SHC4: variants seen among roughly 807,000 people sequenced by gnomAD.
SHC4 encodes the protein SHC-transforming protein 4.
In SHC4, 41 loss-of-function variants were observed where a neutral mutation model predicts 69.4. That is an observed-to-expected ratio of 0.59 (90% confidence interval 0.46 to 0.77). The LOEUF is 0.77. Among genes scored for constraint, SHC4 ranks in the 30% least tolerant of loss-of-function variants. The pLI is 0.00. For missense variants in SHC4, 777 were observed against 783.8 expected (o/e 0.99, Z 0.10); for synonymous variants, 318 against 299.3 (o/e 1.06, Z -0.64).
At chr15:48,878,560 TGAA>T in intron 4 of SHC4, 1 of 1,614,042 alleles carries the variant, frequency 6.2e-7, no homozygotes, top group Non-Finnish European at 8.5e-7. Context: ...CAGCCGCTCT[TGAA>T]GAAGCCGACA....
chr15:48,956,515 C>T (rs1901456328), intron 1 of SHC4, among the ~76,000 whole-genome samples: 2 of 152,146 alleles, frequency 1.3e-5, no homozygotes, highest in Non-Finnish European at 2.9e-5. Context: ...ACCTAGCTGG[C>T]CAGACACATG....
intron 6 of SHC4, among the ~76,000 whole-genome samples, chr15:48,858,270 G>A (rs1194847652): frequency 6.6e-6 from 1 of 152,144 alleles, no homozygotes; most frequent in Non-Finnish European, 1.5e-5. Flanking sequence ...CAAAAGTGGG[G>A]AATGAGCTGT....
At chr15:48,952,962 C>A (rs1316840193) in intron 1 of SHC4, among the ~76,000 whole-genome samples, 1 of 152,134 alleles carries the variant, frequency 6.6e-6, no homozygotes, top group African/African-American at 2.4e-5. Flanking sequence ...AAGACACATG[C>A]ACATGTATGT....
chr15:48,870,246 C>T (rs1169002843), intron 5 of SHC4, among the ~76,000 whole-genome samples: 2 of 152,182 alleles, frequency 1.3e-5, no homozygotes, highest in Admixed American at 1.3e-4. Context: ...TTGACCCTCC[C>T]TGCCAGCCAC....
At chr15:48,877,545 A>C (rs982281385) in intron 4 of SHC4, 1 of 985,220 alleles carries the variant, frequency 1.0e-6, no homozygotes, top group Non-Finnish European at 1.2e-6. Context: ...AATGCAAATA[A>C]AAAGAATTCA....
At chr15:48,898,784 C>G (rs772515972) in intron 2 of SHC4, among the ~76,000 whole-genome samples, 3 of 152,132 alleles carry the variant, frequency 2.0e-5, no homozygotes, top group African/African-American at 7.2e-5. Flanking sequence ...TCTCAAAATT[C>G]AAACACCTAC....
intron 3 of SHC4, among the ~76,000 whole-genome samples, chr15:48,884,575 A>G (rs1900000614): frequency 6.6e-6 from 1 of 152,180 alleles, no homozygotes; most frequent in South Asian, 2.1e-4. Context: ...AAGTAGTGAA[A>G]TTTAGGCCCT....
chr15:48,961,401 C>G (rs1595771675), intron 1 of SHC4, among the ~76,000 whole-genome samples: 1 of 152,150 alleles, frequency 6.6e-6, no homozygotes, highest in Non-Finnish European at 1.5e-5. Flanking sequence ...GTACTACAAG[C>G]CACCCCCTCC....
intron 1 of SHC4, among the ~76,000 whole-genome samples, chr15:48,940,533 CT>C (rs1331095231): frequency 1.3e-5 from 2 of 152,062 alleles, no homozygotes; most frequent in African/African-American, 4.8e-5. Context: ...ATCAAACTTT[CT>C]TCTACTCCAT....
chr15:48,961,070 G>A (rs1034428099), intron 1 of SHC4, among the ~76,000 whole-genome samples: 2 of 152,122 alleles, frequency 1.3e-5, no homozygotes, highest in Admixed American at 6.5e-5. Flanking sequence ...GTCACAGAAT[G>A]CCTTACCATT....
At chr15:48,888,543 C>T (rs1352164029) in intron 3 of SHC4, among the ~76,000 whole-genome samples, 1 of 151,998 alleles carries the variant, frequency 6.6e-6, no homozygotes, top group Non-Finnish European at 1.5e-5. Context: ...TGGATGATGG[C>T]GATGGCTGCA....
intron 9 of SHC4, among the ~76,000 whole-genome samples, chr15:48,845,313 T>C (rs757759641): frequency 6.6e-6 from 1 of 152,186 alleles, no homozygotes; most frequent in African/African-American, 2.4e-5. Flanking sequence ...TACCACCTGC[T>C]TCTCCTTTAC....
chr15:48,851,690 C>G (rs527596390), intron 8 of SHC4, among the ~76,000 whole-genome samples: 8 of 152,322 alleles, frequency 5.3e-5, no homozygotes, highest in Middle Eastern at 3.4e-3. Context: ...CCTTGAAAAT[C>G]TTATCCAAAG....
At chr15:48,847,062 A>G (rs1899107989) in intron 9 of SHC4, among the ~76,000 whole-genome samples, 1 of 151,340 alleles carries the variant, frequency 6.6e-6, no homozygotes, top group African/African-American at 2.4e-5. Flanking sequence ...TAAGTTGGTA[A>G]TGTTGCCTTA....
chr15:48,868,270 C>T (rs560078308), intron 5 of SHC4, among the ~76,000 whole-genome samples: 2 of 152,112 alleles, frequency 1.3e-5, no homozygotes, highest in Admixed American at 1.3e-4. Context: ...ATCATGATCT[C>T]CTGTTGTCCA....
intron 4 of SHC4, chr15:48,876,592 G>A: frequency 1.4e-6 from 1 of 699,118 alleles, no homozygotes; most frequent in African/African-American, 1.7e-5. Flanking sequence ...GCTAAGGAGA[G>A]AGGAGAGCCA....
At chr15:48,887,413 G>A (rs1900054192) in intron 3 of SHC4, among the ~76,000 whole-genome samples, 1 of 152,030 alleles carries the variant, frequency 6.6e-6, no homozygotes, top group African/African-American at 2.4e-5. Context: ...TGTAAAATGG[G>A]GATAAATAAT....
intron 6 of SHC4, among the ~76,000 whole-genome samples, chr15:48,865,926 A>G (rs1899550892): frequency 6.6e-6 from 1 of 152,202 alleles, no homozygotes; most frequent in African/African-American, 2.4e-5. Context: ...AAGCAAAGGG[A>G]GAGCTTTGCA....
rs1026124273 is a variant in SHC4, at chr15:48,931,688, A to T, written c.586-6739T>A. On this transcript the variant is annotated intron_variant, in intron 1 of 11. Coordinates refer to ENST00000332408, the MANE Select transcript of SHC4 (RefSeq NM_203349.4). Reference sequence around the variant, plus strand: ...GCAATACTGGGGTCTCATCATATTCATGGGCAAAGCATATGAATTCAACTG... The same window carrying T: ...GCAATACTGGGGTCTCATCATATTCTTGGGCAAAGCATATGAATTCAACTG... Among the ~76,000 whole-genome samples the T allele has an allele frequency of 2.0e-5, 3 of 152,010 alleles. No individual in the cohort carries two copies. In the South Asian group the frequency reaches 6.2e-4, roughly 32 times the overall value.
Sources: gnomAD v4.1 joint callset for allele counts (sites outside exome capture counted in the v4.1 genomes callset) on GRCh38, gnomAD v4.1.1 for gene constraint, MANE v1.5 for transcripts, NCBI Gene and HGNC (gene_info 2026-07-23, HGNC 2026-07-21) for gene names.